ZNF782: variants seen among roughly 807,000 people sequenced by gnomAD.
The protein encoded by ZNF782 is zinc finger protein 782.
A neutral mutation model predicts 13.0 loss-of-function variants in ZNF782; 12 were observed. The observed-to-expected ratio is 0.92, with a 90% CI of 0.59 to 1.50. The LOEUF (loss-of-function observed/expected upper bound fraction) is 1.50, where lower values mean the gene tolerates loss of function less well. Ranked by LOEUF, ZNF782 falls within the 40% of genes most tolerant of loss-of-function variation. The pLI is 0.00. For synonymous variants in ZNF782, 284 were observed against 283.0 expected, an observed-to-expected ratio of 1.00 and a Z score of -0.04; for missense variants, 770 against 822.9, an observed-to-expected ratio of 0.94 and a Z score of 0.79.
At chr9:96,898,968 T>C in the ZNF782 span, among the ~76,000 whole-genome samples, 13 of 148,328 alleles carry the variant, frequency 8.8e-5, no homozygotes, top group Non-Finnish European at 1.9e-4. Context: ...CCAGAACTTT[T>C]TCACCTTCCC....
chr9:96,880,062 TTA>T (rs1851944213), upstream of ZNF782, among the ~76,000 whole-genome samples: 2 of 151,780 alleles, frequency 1.3e-5, no homozygotes, highest in South Asian at 2.1e-4. Context: ...GTAAATAACA[TTA>T]TGTTTTTTAT....
In ZNF782 at chr9:96,851,930, A is replaced by G. The variant is rs906456848; in HGVS notation, c.15+17T>C. ...AATCCATTACAATACAAAGTGGGGA[A>G]TGAATAAAAAGCTTACCTGAAATGT... On this transcript the variant is annotated intron_variant, in intron 3 of 5. Transcript: ENST00000481138. The G allele has an allele frequency of 1.5e-5, 24 of 1,612,868 alleles. No homozygotes were observed. The highest frequency in any genetic ancestry group is 1.6e-4 in the Middle Eastern group (1 of 6,082).
intron 1 of ZNF782, among the ~76,000 whole-genome samples, chr9:96,865,906 A>T (rs191208372): frequency 6.6e-6 from 1 of 152,278 alleles, no homozygotes; most frequent in African/African-American, 2.4e-5. Flanking sequence ...GATTTCTGGA[A>T]CTTTGAACTT....
At chr9:96,922,066 C>T in the ZNF782 span, among the ~76,000 whole-genome samples, 4 of 151,096 alleles carry the variant, frequency 2.6e-5, no homozygotes, top group Admixed American at 6.6e-5. Context: ...CCAAGAATCA[C>T]GGAAACAAAG....
chr9:96,819,264 A>G lies in ZNF782; in HGVS notation c.759T>C (p.Tyr253=), dbSNP rs149758941. The change falls in exon 6 of 6, where the codon TAT becomes TAC. Residue 253 remains tyrosine (Y), a synonymous_variant. Transcript: ENST00000481138. ...YNFNKFGENK[Y]DKSTFIIPQN... is the part of the protein sequence containing the mutation. ...GAGGAATAATAAAGGTTGATTTATCATATTTGTTTTCCCCAAATTTATTGA... is the reference window on the plus strand; with the variant it reads ...GAGGAATAATAAAGGTTGATTTATCGTATTTGTTTTCCCCAAATTTATTGA... The G allele has an allele frequency of 1.1e-5, 18 of 1,613,166 alleles. No individual in the cohort carries two copies. The highest frequency in any genetic ancestry group is 1.1e-4 in the African/African-American group (8 of 74,892).
chr9:96,927,597 A>G, the ZNF782 span, among the ~76,000 whole-genome samples: 1 of 152,120 alleles, frequency 6.6e-6, no homozygotes, highest in Non-Finnish European at 1.5e-5. Context: ...TAATTGCCTA[A>G]TATGTTACAC....
At chr9:96,819,888 G>T in intron 5 of ZNF782, 110 bp from the exon 6 acceptor site, 2 of 885,918 alleles carry the variant, frequency 2.3e-6, no homozygotes, top group Non-Finnish European at 3.1e-6. Context: ...TTAGTTTCTG[G>T]CTCAGTTTCT....
the ZNF782 span, among the ~76,000 whole-genome samples, chr9:96,886,818 GA>G: frequency 6.6e-6 from 1 of 151,646 alleles, no homozygotes; most frequent in South Asian, 2.1e-4. Flanking sequence ...AGCTACTCAG[GA>G]GGCTGAGGCA....
At chr9:96,847,889 T>C (rs1208240797) in intron 3 of ZNF782, among the ~76,000 whole-genome samples, 1 of 152,108 alleles carries the variant, frequency 6.6e-6, no homozygotes, top group African/African-American at 2.4e-5. Context: ...AACAGACCAA[T>C]ATCCCTGATG....
chr9:96,861,875 G>C (rs1471839044), intron 1 of ZNF782, among the ~76,000 whole-genome samples: 3 of 152,150 alleles, frequency 2.0e-5, no homozygotes, highest in African/African-American at 4.8e-5. Context: ...ACTAAAAATA[G>C]AGCTACCATA....
At chr9:96,895,860 T>C in the ZNF782 span, 1 of 152,102 alleles carries the variant, frequency 6.6e-6, no homozygotes, top group Non-Finnish European at 1.5e-5. Context: ...ACCTGAAGAG[T>C]GAGGGCAATT....
intron 1 of ZNF782, among the ~76,000 whole-genome samples, chr9:96,867,586 T>C (rs1040889168): frequency 6.6e-6 from 1 of 152,234 alleles, no homozygotes; most frequent in Non-Finnish European, 1.5e-5. Context: ...CTAGCCAAGA[T>C]GTCTCTCTTT....
chr9:96,859,037 G>A (rs150285869), upstream of ZNF782, among the ~76,000 whole-genome samples: 1 of 151,326 alleles, frequency 6.6e-6, no homozygotes, highest in African/African-American at 2.4e-5. Context: ...GCCCACCCAC[G>A]GAGGGAACAT....
At chr9:96,893,503 TC>T in the ZNF782 span, 1 of 152,158 alleles carries the variant, frequency 6.6e-6, no homozygotes, top group Admixed American at 6.5e-5. Flanking sequence ...AGAAATACCA[TC>T]TTGACTCAGC....
At position 96,823,731 on chromosome 9, in the gene ZNF782, C is replaced by T. The variant is rs139701915; in HGVS notation, c.244+3349G>A. ...CTTCTCAAATTATTTTTAAAATATA[C>T]CTCTTTAACAAAATCTAATAGCATT... is the stretch of plus-strand genomic sequence containing the variant. On this transcript the variant is annotated intron_variant, in intron 5 of 5. Transcript: ENST00000481138. 2.3e-3 allele frequency among the ~76,000 whole-genome samples: 346 copies of T among 152,272 alleles called. 3 individuals are homozygous for T. The highest frequency in any genetic ancestry group is 7.8e-3 in the African/African-American group (326 of 41,558).
chr9:96,866,490 A>C (rs983672329), intron 1 of ZNF782, among the ~76,000 whole-genome samples: 1 of 152,216 alleles, frequency 6.6e-6, no homozygotes, highest in Non-Finnish European at 1.5e-5. Flanking sequence ...TGGATGACCA[A>C]GCAAAAGTTT....
At chr9:96,825,431 T>C (rs1231814609) in intron 5 of ZNF782, among the ~76,000 whole-genome samples, 12 of 152,264 alleles carry the variant, frequency 7.9e-5, no homozygotes, top group East Asian at 7.7e-4. Flanking sequence ...ACTTAAACGT[T>C]AGACCTGAAA....
At position 96,818,535 on chromosome 9, in the gene ZNF782, G is replaced by A. The variant is rs1337522637; in HGVS notation, c.1488C>T (p.His496=). ...GTCTTTCCCCTGTGTGAGTTCTTCG[G>A]TGATTCCTTAGGCCTGACATATGGC... is the stretch of plus-strand genomic sequence containing the variant. ...SFSHMSGLRN[H]RRTHTGERPY... is the part of the protein sequence containing the mutation. Residue 496 remains histidine, a synonymous_variant, in exon 6 of 6, where the codon CAC becomes CAT. Coordinates refer to ENST00000481138, the MANE Select transcript of ZNF782 (RefSeq NM_001001662.3). 4 of 1,612,284 alleles carry A rather than the reference G, an allele frequency of 2.5e-6. No individual in the cohort carries two copies. Among genetic ancestry groups the A allele is most frequent in the African/African-American group, 2.7e-5 (2 of 74,384 alleles).
intron 1 of ZNF782, among the ~76,000 whole-genome samples, chr9:96,863,729 C>T (rs140535751): frequency 2.0e-5 from 3 of 152,138 alleles, no homozygotes; most frequent in Admixed American, 1.3e-4. Flanking sequence ...ATGGAGCTGG[C>T]GGCCATTATT....
Sources: allele counts gnomAD v4.1 joint callset (sites outside exome capture counted in the v4.1 genomes callset), GRCh38; gene constraint gnomAD v4.1.1; transcripts MANE v1.5; gene names NCBI Gene and HGNC (gene_info 2026-07-23, HGNC 2026-07-21).